The following NARF variants were observed in gnomAD, a reference collection of about 807,000 sequenced individuals.
NARF encodes nuclear prelamin A recognition factor.
Under a neutral mutation model 48.0 loss-of-function variants are expected in NARF, and 41 were observed. The ratio of observed to expected loss-of-function variants is 0.85; its 90% CI spans 0.66 to 1.11. The LOEUF is 1.11. Ranked by LOEUF, NARF falls within the 50% of genes least tolerant of loss-of-function variation. The pLI is 0.00. For missense variants in NARF, 613 were observed against 590.2 expected (o/e 1.04, Z -0.40); for synonymous variants, 215 against 225.5 (o/e 0.95, Z 0.42).
intron 9 of NARF, 28 bp from the exon 10 acceptor site, chr17:82,485,469 A>T: frequency 6.2e-7 from 1 of 1,611,608 alleles, no homozygotes; most frequent in Non-Finnish European, 8.5e-7. Flanking sequence ...GACTTGATGG[A>T]TCAAAATTCT....
intron 10 of NARF, 131 bp from the exon 11 acceptor site, chr17:82,487,778 CCCTCCCG>C: frequency 5.5e-6 from 3 of 543,480 alleles, no homozygotes; most frequent in Non-Finnish European, 9.8e-6. Flanking sequence ...CAACACCCGC[CCCTCCCG>C]CCCAATCTCT....
Position 82,483,810 on chromosome 17 carries a change from G to A in NARF, c.833+31G>A, listed in dbSNP as rs766860095. 2.5e-6 allele frequency: 4 copies of A among 1,608,040 alleles called. No individual in the cohort carries two copies. In the Admixed American group the frequency reaches 5.0e-5, roughly 20 times the overall value. On this transcript the variant is annotated intron_variant, in intron 8 of 10. Coordinates refer to ENST00000309794, the MANE Select transcript of NARF (RefSeq NM_012336.4). ...TGGCTTCTCTGGGGAGAGTCCTCTG[G>A]GGGGCAGGACCTCTCGTCAGCCCTG...
chr17:82,478,134 C>T (rs181791126), intron 5 of NARF, among the ~76,000 whole-genome samples: 3 of 152,132 alleles, frequency 2.0e-5, no homozygotes, highest in Non-Finnish European at 2.9e-5. Context: ...CTGGGCTGTA[C>T]GCCTGCGGGA....
chr17:82,474,892 G>C (rs745311765), intron 5 of NARF, among the ~76,000 whole-genome samples: 1 of 152,190 alleles, frequency 6.6e-6, no homozygotes, highest in Non-Finnish European at 1.5e-5. Flanking sequence ...TCTTTCAGCT[G>C]TATGGTTTGC....
chr17:82,484,975 T>A (rs2044063498), intron 9 of NARF, 25 bp downstream of exon 9: 1 of 1,578,066 alleles, frequency 6.3e-7, no homozygotes, highest in Admixed American at 1.8e-5. Context: ...CCACAGCCTG[T>A]CTGTGCCTGT....
chr17:82,472,452 C>T, intron 4 of NARF, 112 bp from the exon 5 acceptor site: 1 of 1,282,634 alleles, frequency 7.8e-7, no homozygotes, highest in Non-Finnish European at 1.0e-6. Context: ...CCACTGCACT[C>T]TAGCCTGGGT....
intron 3 of NARF, chr17:82,468,442 A>G: frequency 3.4e-6 from 1 of 293,450 alleles, no homozygotes; most frequent in Non-Finnish European, 6.4e-6. Flanking sequence ...AGCGCTCTGC[A>G]GTCTCAAACT....
chr17:82,484,670 C>G, intron 8 of NARF, 143 bp from the exon 9 acceptor site: 2 of 1,032,870 alleles, frequency 1.9e-6, no homozygotes, highest in Non-Finnish European at 2.7e-6. Context: ...ATGGGACTTT[C>G]TGCAAAGTTT....
intron 4 of NARF, among the ~76,000 whole-genome samples, chr17:82,469,214 A>G (rs2043640972): frequency 6.6e-6 from 1 of 151,996 alleles, no homozygotes; most frequent in Non-Finnish European, 1.5e-5. Flanking sequence ...TGGCCCAGCA[A>G]CCTCCAAGTC....
At chr17:82,464,158 C>G (rs1413598993) in intron 2 of NARF, 129 bp from the exon 3 acceptor site, 21 of 1,226,982 alleles carry the variant, frequency 1.7e-5, no homozygotes, top group Non-Finnish European at 2.1e-5. Context: ...GCCCCTTGAG[C>G]ACCAGGCCTG....
At chr17:82,468,031 G>C (rs1236545734) in intron 3 of NARF, among the ~76,000 whole-genome samples, 1 of 152,016 alleles carries the variant, frequency 6.6e-6, no homozygotes, top group East Asian at 1.9e-4. Context: ...CAGAGTATTG[G>C]CCAGGCTAGG....
At chr17:82,479,120 T>C (rs1373102309) in intron 6 of NARF, 1 of 478,316 alleles carries the variant, frequency 2.1e-6, no homozygotes, top group Non-Finnish European at 3.7e-6. Flanking sequence ...CTTACAACCT[T>C]TTTCTTTCTT....
rs774796212 is a variant in NARF, at chr17:82,478,907, G to A, written c.628G>A (p.Ala210Thr). ...GGGCTCTTTGGTGAAGGATTATTTC[G>A]CCAGACAGCAGGTAAGCTGACCTCT... is the stretch of plus-strand genomic sequence containing the variant. ...VMGSLVKDYF[A>T]RQQNLSPEKI... is the part of the protein sequence containing the mutation. Residue 210 changes from alanine (A) to threonine (T), a missense_variant, in exon 6 of 11, where the codon GCC becomes ACC. Ala to Thr is a moderately conservative substitution (Grantham distance 58, BLOSUM62 0). Coordinates refer to ENST00000309794, the MANE Select transcript of NARF (RefSeq NM_012336.4). The A allele has an allele frequency of 2.2e-5, 36 of 1,613,508 alleles. No homozygotes were observed. The highest frequency in any genetic ancestry group is 2.7e-5 in the Non-Finnish European group (32 of 1,179,816).
intron 5 of NARF, chr17:82,476,654 G>A (rs572712283): frequency 2.6e-5 from 4 of 152,146 alleles, no homozygotes; most frequent in African/African-American, 9.7e-5. Context: ...TTGTTGGTCA[G>A]GCTGGCCTTG....
intron 2 of NARF, among the ~76,000 whole-genome samples, chr17:82,461,754 C>T (rs1266213412): frequency 6.6e-6 from 1 of 152,192 alleles, no homozygotes; most frequent in Non-Finnish European, 1.5e-5. Flanking sequence ...AGTACTAGTA[C>T]CAGTTTATAA....
chr17:82,458,396 C>A, upstream of NARF: 1 of 177,078 alleles, frequency 5.6e-6, no homozygotes, highest in South Asian at 1.4e-4. Context: ...AGCTTGGCCT[C>A]GGGACAGTCC....
chr17:82,465,040 C>G (rs117772322), intron 3 of NARF, among the ~76,000 whole-genome samples: 1 of 152,156 alleles, frequency 6.6e-6, no homozygotes, highest in African/African-American at 2.4e-5. Context: ...TCCACAGGAT[C>G]TACAGGAGAC....
chr17:82,479,549 G>A (rs777110930), intron 6 of NARF, among the ~76,000 whole-genome samples: 5 of 152,176 alleles, frequency 3.3e-5, no homozygotes, highest in Admixed American at 3.3e-4. Flanking sequence ...ATGTCTCCAA[G>A]GCCACCCTCA....
rs1334739021 is a variant in NARF at position 82,472,550 on chromosome 17, C to T, written c.386-14C>T. On this transcript the variant is annotated splice_polypyrimidine_tract_variant and intron_variant, in intron 4 of 10. Transcript: ENST00000309794. ...GTACGTGATTTAAGCTGAATATGCT[C>T]CTCTCTCCTGCAGGGGTGCACTATG... 6.3e-7 allele frequency: 1 copy of T among 1,598,552 alleles called. No individual in the cohort carries two copies. Among genetic ancestry groups the T allele is most frequent in the East Asian group, 2.3e-5 (1 of 43,904 alleles).
Sources: allele counts gnomAD v4.1 joint callset (sites outside exome capture counted in the v4.1 genomes callset), GRCh38; gene constraint gnomAD v4.1.1; transcripts MANE v1.5; gene names NCBI Gene and HGNC (gene_info 2026-07-23, HGNC 2026-07-21).